The following GSG1L variants were observed in gnomAD, a reference collection of about 807,000 sequenced individuals.
The protein encoded by GSG1L is germ cell-specific gene 1-like protein.
In GSG1L, 24 loss-of-function variants were observed where a neutral mutation model predicts 42.1. The observed-to-expected ratio is 0.57, with a 90% CI of 0.41 to 0.80. The LOEUF (loss-of-function observed/expected upper bound fraction) is 0.80, where lower values mean the gene tolerates loss of function less well. Ranked by LOEUF, GSG1L falls within the 30% of genes least tolerant of loss-of-function variation. The pLI is 0.00. For synonymous variants in GSG1L, 215 were observed against 203.5 expected (o/e 1.06, Z -0.48); for missense variants, 445 against 472.2 (o/e 0.94, Z 0.53).
intron 5 of GSG1L, chr16:27,823,852 T>A (rs1408013922): frequency 2.1e-5 from 15 of 702,974 alleles, no homozygotes; most frequent in Non-Finnish European, 3.6e-5. Context: ...ATCCCAGCTC[T>A]GGCACTTACC....
intron 4 of GSG1L, among the ~76,000 whole-genome samples, chr16:27,837,765 G>A (rs777833309): frequency 2.6e-5 from 4 of 151,942 alleles, no homozygotes; most frequent in South Asian, 2.1e-4. Flanking sequence ...TGTGACTGGA[G>A]TAGTGAAGTT....
chr16:27,899,670 T>C (rs982402941), intron 2 of GSG1L, among the ~76,000 whole-genome samples: 11 of 152,104 alleles, frequency 7.2e-5, no homozygotes, highest in Non-Finnish European at 1.5e-4. Flanking sequence ...TGAGCTATGA[T>C]TGTACCACTG....
intron 2 of GSG1L, among the ~76,000 whole-genome samples, chr16:27,901,695 A>G (rs948403824): frequency 2.0e-4 from 30 of 152,222 alleles, no homozygotes; most frequent in African/African-American, 7.2e-4. Context: ...AGAAAGAGTT[A>G]CCTTTCAGAA....
intron 1 of GSG1L, among the ~76,000 whole-genome samples, chr16:27,989,002 G>A (rs1457336376): frequency 2.0e-5 from 3 of 147,638 alleles, no homozygotes; most frequent in East Asian, 2.0e-4. Flanking sequence ...GCAGTGAGCC[G>A]AGATTGTGCT....
At chr16:27,822,378 A>G (rs982763720) in intron 5 of GSG1L, among the ~76,000 whole-genome samples, 1 of 152,090 alleles carries the variant, frequency 6.6e-6, no homozygotes, top group African/African-American at 2.4e-5. Context: ...GCACTGCATA[A>G]CTTTCTACTA....
At chr16:27,888,742 C>T (rs1404412217) in intron 2 of GSG1L, among the ~76,000 whole-genome samples, 5 of 151,398 alleles carry the variant, frequency 3.3e-5, no homozygotes, top group African/African-American at 9.7e-5. Flanking sequence ...GTCAGCCTCC[C>T]GAGTAGCTGG....
chr16:27,856,420 C>G (rs576524630), intron 3 of GSG1L, among the ~76,000 whole-genome samples: 37 of 152,256 alleles, frequency 2.4e-4, no homozygotes, highest in African/African-American at 8.7e-4. Context: ...CTCAAGCGAG[C>G]CCCCCACCTC....
intron 5 of GSG1L, among the ~76,000 whole-genome samples, chr16:27,821,576 A>C (rs181019286): frequency 6.6e-6 from 1 of 152,120 alleles, no homozygotes; most frequent in Non-Finnish European, 1.5e-5. Flanking sequence ...TTTAACATGA[A>C]ATCTCCTGAT....
chr16:27,922,678 G>A (rs2084539266), intron 2 of GSG1L, among the ~76,000 whole-genome samples: 1 of 152,182 alleles, frequency 6.6e-6, no homozygotes, highest in Admixed American at 6.5e-5. Flanking sequence ...TCCAGTGATG[G>A]ATGACAGCCA....
At chr16:28,019,218 A>T (rs1238453794) in intron 1 of GSG1L, among the ~76,000 whole-genome samples, 1 of 152,048 alleles carries the variant, frequency 6.6e-6, no homozygotes, top group Non-Finnish European at 1.5e-5. Flanking sequence ...GGTCACAAAG[A>T]CCCTGCTGAT....
intron 2 of GSG1L, among the ~76,000 whole-genome samples, chr16:27,901,632 T>G (rs1175117182): frequency 6.6e-6 from 1 of 152,214 alleles, no homozygotes; most frequent in East Asian, 1.9e-4. Flanking sequence ...GAGGCTGGGA[T>G]CTGCACTTCG....
rs185317403 is a variant in GSG1L at position 27,903,857 on chromosome 16, G to A, written c.398-19219C>T. Among the ~76,000 whole-genome samples, 364 of 152,010 alleles carry A rather than the reference G, an allele frequency of 2.4e-3. 1 individual carries two copies. The highest frequency in any genetic ancestry group is 0.014 in the Middle Eastern group (4 of 294). On this transcript the variant is annotated intron_variant, in intron 2 of 6. Coordinates refer to ENST00000447459, the MANE Select transcript of GSG1L (RefSeq NM_001109763.2). ...ACTGAGTGTGAGCCCCAGCTGACTC[G>A]GCATTCACTTACCTGTCAGAGCCAG...
intron 4 of GSG1L, among the ~76,000 whole-genome samples, chr16:27,829,344 G>A (rs895690993): frequency 6.6e-6 from 1 of 152,162 alleles, no homozygotes; most frequent in Non-Finnish European, 1.5e-5. Context: ...AAGGCATGGA[G>A]GCATCAAACA....
chr16:28,020,019 A>G (rs117763380), intron 1 of GSG1L, among the ~76,000 whole-genome samples: 1,857 of 152,344 alleles, frequency 0.012, 18 homozygotes, highest in Middle Eastern at 0.041. Context: ...CTTGGACTAA[A>G]GCACTGAAGA....
At chr16:27,868,710 C>T (rs1186454952) in intron 3 of GSG1L, among the ~76,000 whole-genome samples, 1 of 152,114 alleles carries the variant, frequency 6.6e-6, no homozygotes, top group African/African-American at 2.4e-5. Flanking sequence ...ACACTGGGTC[C>T]ACATTTCTTC....
intron 2 of GSG1L, among the ~76,000 whole-genome samples, chr16:27,925,709 G>A (rs2084584883): frequency 6.6e-6 from 1 of 152,234 alleles, no homozygotes; most frequent in Non-Finnish European, 1.5e-5. Context: ...AGGAAGGTGA[G>A]CTTCACGGAA....
At chr16:28,054,089 T>C (rs930657881) in intron 1 of GSG1L, among the ~76,000 whole-genome samples, 1 of 152,054 alleles carries the variant, frequency 6.6e-6, no homozygotes, top group African/African-American at 2.4e-5. Context: ...CTCCTCACAA[T>C]GTCTGTGTCT....
At chr16:27,960,417 C>T (rs912321978) in intron 2 of GSG1L, among the ~76,000 whole-genome samples, 3 of 152,064 alleles carry the variant, frequency 2.0e-5, no homozygotes, top group Non-Finnish European at 4.4e-5. Context: ...CCAGTTAGTG[C>T]CAGTGTCGCG....
rs1341698929 is a variant in GSG1L at position 27,788,302 on chromosome 16, G to GT, written c.*3067dup. The GT allele has an allele frequency of 1.3e-5, 2 of 152,168 alleles. No homozygotes were observed. Among genetic ancestry groups the GT allele is most frequent in the South Asian group, 2.1e-4 (1 of 4,810 alleles). The allele number at this position is 152,168 out of a possible 1,614,324, so 9.4% of individuals were successfully genotyped here. ...GCCCACTTTCTTCTCTTTCTTGAGT[G>GT]TAAGAGGGATGAGGAAGGGAGAAGC... On this transcript the variant is annotated 3_prime_UTR_variant, in exon 7 of 7. Transcript: ENST00000447459.
Sources: allele counts gnomAD v4.1 joint callset (sites outside exome capture counted in the v4.1 genomes callset), GRCh38; gene constraint gnomAD v4.1.1; transcripts MANE v1.5; gene names NCBI Gene and HGNC (gene_info 2026-07-23, HGNC 2026-07-21).